HCST: variants seen among roughly 807,000 people sequenced by gnomAD.
The protein encoded by HCST is hematopoietic cell signal transducer.
A neutral mutation model predicts 10.8 loss-of-function variants in HCST; 12 were observed. The observed-to-expected ratio is 1.12, with a 90% confidence interval of 0.72 to 1.81. The LOEUF is 1.81. HCST is among the 40% of genes most tolerant of loss of function. The pLI is 0.00. For synonymous variants in HCST, 59 were observed against 51.6 expected (o/e 1.14, Z -0.61); for missense variants, 102 against 117.9 (o/e 0.87, Z 0.62).
chr19:35,902,876 A>C, intron 1 of HCST: 2 of 532,908 alleles, frequency 3.8e-6, no homozygotes, highest in Non-Finnish European at 3.4e-6. Context: ...TGCCACTTCC[A>C]ATTTCTTGTC....
chr19:35,902,551 G>T lies in HCST; in HGVS notation c.-43G>T. On this transcript the variant is annotated 5_prime_UTR_variant, in exon 1 of 4. Coordinates refer to ENST00000246551, the MANE Select transcript of HCST (RefSeq NM_014266.4). ...CCCACAGTTCCTCTGGACTTCTCTG[G>T]ACCACAGTCCTCTGCCAGACCCCTG... 6.2e-7 allele frequency: 1 copy of T among 1,602,250 alleles called. No individual in the cohort carries two copies. Among genetic ancestry groups the T allele is most frequent in the South Asian group, 1.1e-5 (1 of 90,686 alleles).
Position 35,903,819 on chromosome 19 carries a change from C to G in HCST, c.157C>G (p.Leu53Val). 6.2e-7 allele frequency: 1 copy of G among 1,613,988 alleles called. No homozygotes were observed. The highest frequency in any genetic ancestry group is 1.1e-5 in the South Asian group (1 of 91,084). The change falls in exon 3 of 4, where the codon CTC becomes GTC. Residue 53 changes from leucine (L) to valine (V), a missense_variant. Physicochemically the swap from Leu to Val is conservative, Grantham distance 32 (BLOSUM62 1). Coordinates refer to ENST00000246551, the MANE Select transcript of HCST (RefSeq NM_014266.4). ...GSLSLPLLAGLVAADAVASLL... is the reference protein window; with the variant it reads ...GSLSLPLLAGVVAADAVASLL... ...CCTCTCTCTGCCGCTCCTGGCAGGC[C>G]TCGTGGCTGCTGATGCGGTGGCATC... is the stretch of plus-strand genomic sequence containing the variant.
chr19:35,902,695 T>TA (rs1975603926), intron 1 of HCST, 59 bp downstream of exon 1: 2 of 1,552,144 alleles, frequency 1.3e-6, no homozygotes, highest in East Asian at 4.5e-5. Flanking sequence ...GGTGCTTGGG[T>TA]GACGTCTGCA....
chr19:35,902,714 T>C (rs1178148189), intron 1 of HCST, 78 bp downstream of exon 1: 1 of 1,426,382 alleles, frequency 7.0e-7, no homozygotes, highest in Non-Finnish European at 9.8e-7. Flanking sequence ...CAGGGACGGG[T>C]GATGAAAGTG....
Position 35,902,582 on chromosome 19 carries a change from CCCCAGTCCA to C in HCST, c.-9_-1del. On this transcript the variant is annotated 5_prime_UTR_variant, in exon 1 of 4. Transcript: ENST00000246551. The stretch of plus-strand genomic sequence containing the variant: ...AGTCCTCTGCCAGACCCCTGCCAGA[CCCCAGTCCA>C]CCATGATCCATCTGGGTCACATCCT... The C allele has an allele frequency of 1.2e-6, 2 of 1,614,006 alleles. No individual in the cohort carries two copies. The highest frequency in any genetic ancestry group is 1.7e-6 in the Non-Finnish European group (2 of 1,179,876).
intron 3 of HCST, 66 bp from the exon 4 acceptor site, chr19:35,904,053 CA>C (rs1301291675): frequency 3.1e-6 from 5 of 1,602,014 alleles, no homozygotes; most frequent in Non-Finnish European, 4.3e-6. Flanking sequence ...ACCCCTGAAG[CA>C]GGGGGTCCCC....
At position 35,903,880 on chromosome 19, in the gene HCST, G is replaced by A. The variant is rs1314656592; in HGVS notation, c.218G>A (p.Arg73His). The A allele has an allele frequency of 1.2e-6, 2 of 1,612,150 alleles. No homozygotes were observed. Among genetic ancestry groups the A allele is most frequent in the African/African-American group, 2.7e-5 (2 of 75,046 alleles). Residue 73 changes from arginine (R) to histidine (H), a missense_variant, in exon 3 of 4, where the codon CGC becomes CAC. Physicochemically the swap from Arg to His is conservative, Grantham distance 29 (BLOSUM62 0). Coordinates refer to ENST00000246551, the MANE Select transcript of HCST (RefSeq NM_014266.4). ...GTGGGGGCGGTGTTCCTGTGCGCAC[G>A]CCCACGCCGCAGCCCCGCCCAAGGT... is the stretch of plus-strand genomic sequence containing the variant. ...LIVGAVFLCA[R>H]PRRSPAQEDG...
Position 35,903,897 on chromosome 19 carries a change from G to T in HCST, c.235G>T (p.Ala79Ser), listed in dbSNP as rs776201851. Residue 79 changes from alanine (A) to serine (S), a missense_variant, in exon 3 of 4, where the codon GCC becomes TCC. Coordinates refer to ENST00000246551, the MANE Select transcript of HCST (RefSeq NM_014266.4). ...FLCARPRRSP[A>S]QEDGKVYINM... ...GTGCGCACGCCCACGCCGCAGCCCC[G>T]CCCAAGGTGAGGGCGGAGATGGGCG... 1.2e-6 allele frequency: 2 copies of T among 1,610,670 alleles called. No homozygotes were observed. The highest frequency in any genetic ancestry group is 1.3e-5 in the African/African-American group (1 of 74,892).
At position 35,904,021 on chromosome 19, in the gene HCST, G is replaced by A. The variant is rs1344316804; in HGVS notation, c.242-99G>A. The A allele has an allele frequency of 1.9e-5, 30 of 1,589,520 alleles. 1 individual carries two copies. Among genetic ancestry groups the A allele is most frequent in the South Asian group, 1.4e-4 (12 of 88,848 alleles). ...GTGCTGGGGAAACCCTGGGGGAGGT[G>A]CCTGGGGGAACCCCTGAGGAAACCC... On this transcript the variant is annotated intron_variant, in intron 3 of 3. Coordinates refer to ENST00000246551, the MANE Select transcript of HCST (RefSeq NM_014266.4).
rs768476694 is a variant in HCST, at chr19:35,904,146, C to T, written c.268C>T (p.Pro90Ser). ...AGATGGCAAAGTCTACATCAACATG[C>T]CAGGCAGGGGCTGACCCTCCTGCAG... ...QEDGKVYINM[P>S]GRG Residue 90 changes from proline to serine, a missense_variant, in exon 4 of 4, where the codon CCA (proline) becomes TCA (serine). Pro to Ser is a moderately conservative substitution (Grantham distance 74). Coordinates refer to ENST00000246551, the MANE Select transcript of HCST (RefSeq NM_014266.4). The T allele has an allele frequency of 3.1e-6, 5 of 1,614,098 alleles. No homozygotes were observed. Among genetic ancestry groups the T allele is most frequent in the East Asian group, 4.5e-5 (2 of 44,884 alleles).
chr19:35,904,109 C>G lies in HCST; in HGVS notation c.242-11C>G. The G allele has an allele frequency of 6.2e-7, 1 of 1,614,026 alleles. No homozygotes were observed. Reference sequence around the variant, plus strand: ...TGGTCAAGCTTCATGCTTTCTCTCCCCTATCCCCAGAAGATGGCAAAGTCT... The same window carrying G: ...TGGTCAAGCTTCATGCTTTCTCTCCGCTATCCCCAGAAGATGGCAAAGTCT... On this transcript the variant is annotated splice_polypyrimidine_tract_variant and intron_variant, in intron 3 of 3. Coordinates refer to ENST00000246551, the MANE Select transcript of HCST (RefSeq NM_014266.4).
At position 35,904,315 on chromosome 19, in the gene HCST, C is replaced by T. The variant is rs1353879287; in HGVS notation, c.*155C>T. On this transcript the variant is annotated 3_prime_UTR_variant, in exon 4 of 4. Transcript: ENST00000246551. ...CAAAGAACCCCAGAGTTCCCAAAGCCTCCCTCCCATGAACTGTTTCTGGAT... is the reference window on the plus strand; with the variant it reads ...CAAAGAACCCCAGAGTTCCCAAAGCTTCCCTCCCATGAACTGTTTCTGGAT... The T allele has an allele frequency of 2.0e-5, 18 of 896,590 alleles. No homozygotes were observed. The highest frequency in any genetic ancestry group is 3.2e-5 in the Non-Finnish European group (18 of 557,366). 55.5% of individuals were successfully genotyped at this position (896,590 alleles called of 1,614,324 possible).
Position 35,903,675 on chromosome 19 carries a change from G to A in HCST, c.110-97G>A, listed in dbSNP as rs150921545. The A allele has an allele frequency of 2.6e-4, 411 of 1,560,610 alleles. 1 individual carries two copies. The African/African-American group carries it at 4.5e-3, about 17-fold the overall frequency. On this transcript the variant is annotated intron_variant, in intron 2 of 3. Transcript: ENST00000246551. ...CGCAACTCCAAGGAACCTGGGACCC[G>A]CCCCCTCGCAGGGGACTTCCTCTCT...
rs1048438318 is a variant in HCST at position 35,902,618 on chromosome 19, T to C, written c.25T>C (p.Phe9Leu). 6.2e-7 allele frequency: 1 copy of C among 1,614,140 alleles called. No individual in the cohort carries two copies. The highest frequency in any genetic ancestry group is 1.1e-5 in the South Asian group (1 of 91,082). The change falls in exon 1 of 4, where the codon TTC (phenylalanine) becomes CTC (leucine). Residue 9 changes from phenylalanine to leucine, a missense_variant. Phe to Leu is a conservative substitution (Grantham distance 22). Transcript: ENST00000246551. MIHLGHIL[F>L]LLLLPVAAAQ... ...CATGATCCATCTGGGTCACATCCTC[T>C]TCCTGCTTTTGCTCCCAGGTGAAGC...
At chr19:35,904,022 C>A (rs1229016151) in intron 3 of HCST, 98 bp from the exon 4 acceptor site, 13 of 1,588,924 alleles carry the variant, frequency 8.2e-6, no homozygotes, top group Non-Finnish European at 1.1e-5. Context: ...GGGGGAGGTG[C>A]CTGGGGGAAC....
Position 35,903,864 on chromosome 19 carries a change from G to T in HCST, c.202G>T (p.Val68Leu). The T allele has an allele frequency of 1.2e-6, 2 of 1,613,172 alleles. No individual in the cohort carries two copies. Among genetic ancestry groups the T allele is most frequent in the Non-Finnish European group, 1.7e-6 (2 of 1,179,904 alleles). The stretch of plus-strand genomic sequence containing the variant: ...GGCATCGCTGCTCATCGTGGGGGCG[G>T]TGTTCCTGTGCGCACGCCCACGCCG... Reference protein sequence around the residue: ...AVASLLIVGAVFLCARPRRSP... With the variant: ...AVASLLIVGALFLCARPRRSP... Residue 68 changes from valine to leucine, a missense_variant, in exon 3 of 4, where the codon GTG becomes TTG. Transcript: ENST00000246551.
rs1244175968 is a variant in HCST, at chr19:35,903,876, G to C, written c.214G>C (p.Ala72Pro). The change falls in exon 3 of 4, where the codon GCA (alanine) becomes CCA (proline). Residue 72 changes from alanine (A) to proline (P), a missense_variant. Ala to Pro is a conservative substitution (Grantham distance 27). Transcript: ENST00000246551. ...LLIVGAVFLC[A>P]RPRRSPAQED... is the part of the protein sequence containing the mutation. ...CATCGTGGGGGCGGTGTTCCTGTGC[G>C]CACGCCCACGCCGCAGCCCCGCCCA... 9 of 1,612,332 alleles carry C rather than the reference G, an allele frequency of 5.6e-6. No individual in the cohort carries two copies. The highest frequency in any genetic ancestry group is 7.6e-6 in the Non-Finnish European group (9 of 1,179,678).
chr19:35,904,002 G>C, intron 3 of HCST, 99 bp downstream of exon 3: 3 of 1,583,308 alleles, frequency 1.9e-6, no homozygotes, highest in Non-Finnish European at 2.6e-6. Context: ...GGAGGTGCTG[G>C]GGAAACCCTG....
chr19:35,903,558 G>T (rs547538573), intron 2 of HCST, 142 bp downstream of exon 2: 2 of 1,022,508 alleles, frequency 2.0e-6, no homozygotes, highest in South Asian at 2.8e-5. Context: ...CCCAGCCTGT[G>T]TTCAGGAGCA....
Sources: gnomAD v4.1 joint callset for allele counts on GRCh38, gnomAD v4.1.1 for gene constraint, MANE v1.5 for transcripts, NCBI Gene and HGNC (gene_info 2026-07-23, HGNC 2026-07-21) for gene names.